Variants in ITGB1 observed in about 807,000 individuals in gnomAD.
ITGB1 encodes integrin subunit beta 1, also known as integrin beta-1.
In ITGB1, 24 loss-of-function variants were observed where a neutral mutation model predicts 86.5. The ratio of observed to expected loss-of-function variants is 0.28; its 90% confidence interval spans 0.20 to 0.39. The LOEUF (loss-of-function observed/expected upper bound fraction) is 0.39. ITGB1 is among the 10% of genes least tolerant of loss of function. ITGB1 has a pLI of 1.00. For missense variants in ITGB1, 556 were observed against 946.9 expected (o/e 0.59, Z 5.42); for synonymous variants, 323 against 316.8 (o/e 1.02, Z -0.21).
chr10:32,926,171 T>C (rs921330491), intron 5 of ITGB1, 62 bp from the exon 6 acceptor site: 25 of 1,224,980 alleles, frequency 2.0e-5, no homozygotes, highest in Middle Eastern at 1.9e-4. Flanking sequence ...AGACAGAGAT[T>C]TGCATTGTTT....
chr10:32,948,337 T>C (rs368030189), intron 1 of ITGB1, among the ~76,000 whole-genome samples: 11 of 152,124 alleles, frequency 7.2e-5, no homozygotes, highest in Non-Finnish European at 1.3e-4. Flanking sequence ...TAGTAAATGT[T>C]AGACAAAATA....
At chr10:32,957,191 G>C (rs1215143284) in intron 1 of ITGB1, among the ~76,000 whole-genome samples, 1 of 152,214 alleles carries the variant, frequency 6.6e-6, no homozygotes, top group Non-Finnish European at 1.5e-5. Context: ...CTATTTCACA[G>C]ATGAGGAAAC....
intron 9 of ITGB1, 84 bp downstream of exon 9, chr10:32,922,173 G>A: frequency 1.2e-6 from 1 of 833,500 alleles, no homozygotes; most frequent in Non-Finnish European, 1.9e-6. Context: ...GCTAAAGTGT[G>A]TATGAAGGAA....
intron 11 of ITGB1, 133 bp from the exon 12 acceptor site, chr10:32,912,257 T>C: frequency 4.3e-6 from 3 of 702,194 alleles, no homozygotes; most frequent in Non-Finnish European, 7.2e-6. Context: ...GTTTCTGCAT[T>C]TCCAACTGAG....
At chr10:32,907,809 A>C (rs1424100104) in intron 15 of ITGB1, among the ~76,000 whole-genome samples, 1 of 152,112 alleles carries the variant, frequency 6.6e-6, no homozygotes, top group Non-Finnish European at 1.5e-5. Context: ...CACTAACGAT[A>C]GCTGATGAGC....
At chr10:32,908,207 CT>C in intron 15 of ITGB1, 160 bp downstream of exon 15, 1 of 629,546 alleles carries the variant, frequency 1.6e-6, no homozygotes, top group Non-Finnish European at 2.8e-6. Context: ...AGGATGCTTT[CT>C]GTTTTTCACT....
At chr10:32,954,844 T>C (rs999135311) in intron 1 of ITGB1, among the ~76,000 whole-genome samples, 2 of 152,232 alleles carry the variant, frequency 1.3e-5, no homozygotes, top group Non-Finnish European at 2.9e-5. Flanking sequence ...TTGCTAAATA[T>C]AGTTAACTCT....
intron 10 of ITGB1, 46 bp downstream of exon 10, chr10:32,920,199 T>C: frequency 8.2e-6 from 13 of 1,589,562 alleles, no homozygotes; most frequent in Non-Finnish European, 1.1e-5. Context: ...TAAATTTGCT[T>C]ATAAATAACC....
chr10:32,939,765 TGAGA>T (rs937995455), intron 1 of ITGB1, among the ~76,000 whole-genome samples: 16 of 120,608 alleles, frequency 1.3e-4, no homozygotes, highest in Non-Finnish European at 1.6e-4. Context: ...AGTGAGTGAG[TGAGA>T]GGGGCAAGTG....
intron 11 of ITGB1, among the ~76,000 whole-genome samples, chr10:32,918,497 G>A (rs915748211): frequency 2.6e-5 from 4 of 152,116 alleles, no homozygotes; most frequent in Admixed American, 2.6e-4. Context: ...GTGTAGTAAA[G>A]TGTACACACA....
intron 11 of ITGB1, among the ~76,000 whole-genome samples, chr10:32,913,021 G>C (rs1399402127): frequency 6.6e-6 from 1 of 152,184 alleles, no homozygotes; most frequent in African/African-American, 2.4e-5. Context: ...CTGTTCTGCA[G>C]CCTCCGCTGG....
chr10:32,926,539 T>C (rs1424347451), intron 5 of ITGB1, among the ~76,000 whole-genome samples: 3 of 152,068 alleles, frequency 2.0e-5, no homozygotes, highest in Admixed American at 2.0e-4. Context: ...GTGGCATCTC[T>C]CCCCAACTCT....
chr10:32,930,892 C>T (rs1212727707), intron 3 of ITGB1, among the ~76,000 whole-genome samples: 1 of 151,962 alleles, frequency 6.6e-6, no homozygotes, highest in Non-Finnish European at 1.5e-5. Context: ...AAAAACACTG[C>T]TGTTAAAGAT....
At chr10:32,908,046 T>G (rs1023453329) in intron 15 of ITGB1, among the ~76,000 whole-genome samples, 1 of 152,188 alleles carries the variant, frequency 6.6e-6, no homozygotes, top group Non-Finnish European at 1.5e-5. Flanking sequence ...TTGAATAGCT[T>G]GCTACACAGA....
intron 5 of ITGB1, among the ~76,000 whole-genome samples, chr10:32,927,776 A>G (rs550242725): frequency 1.0e-3 from 155 of 152,344 alleles, no homozygotes; most frequent in African/African-American, 3.6e-3. Context: ...TCTGGGCGAC[A>G]AGAGTGAAAC....
chr10:32,953,116 T>C (rs971186565), intron 1 of ITGB1, among the ~76,000 whole-genome samples: 1 of 152,226 alleles, frequency 6.6e-6, no homozygotes, highest in Non-Finnish European at 1.5e-5. Context: ...GTGACAACCA[T>C]CTGTCATCCA....
chr10:32,925,940 C>T lies in ITGB1; in HGVS notation c.717G>A (p.Gln239=). 1 of 1,614,106 alleles carries T rather than the reference C, an allele frequency of 6.2e-7. No individual in the cohort carries two copies. The highest frequency in any genetic ancestry group is 8.5e-7 in the Non-Finnish European group (1 of 1,179,984). The part of the protein sequence containing the change: ...GEVFNELVGK[Q]RISGNLDSPE... ...GAGAATCCAAATTTCCAGATATGCG[C>T]TGTTTTCCAACAAGTTCATTAAATA... Residue 239 remains glutamine (Q), a synonymous_variant, in exon 6 of 16, where the codon CAG becomes CAA. Coordinates refer to ENST00000302278, the MANE Select transcript of ITGB1 (RefSeq NM_002211.4).
chr10:32,957,041 C>A (rs2095053750), intron 1 of ITGB1, among the ~76,000 whole-genome samples: 1 of 152,086 alleles, frequency 6.6e-6, no homozygotes, highest in Non-Finnish European at 1.5e-5. Context: ...TTTCTTCACT[C>A]GGAAAATGGG....
At chr10:32,903,257 T>C (rs2094886603) in intron 15 of ITGB1, among the ~76,000 whole-genome samples, 1 of 135,910 alleles carries the variant, frequency 7.4e-6, no homozygotes, top group South Asian at 2.3e-4. Context: ...GAAGCTGGGA[T>C]AGGGGAATCA....
Sources: gnomAD v4.1 joint callset for allele counts (sites outside exome capture counted in the v4.1 genomes callset) on GRCh38, gnomAD v4.1.1 for gene constraint, MANE v1.5 for transcripts, NCBI Gene and HGNC (gene_info 2026-07-23, HGNC 2026-07-21) for gene names.